Variants in GRM8 observed in about 807,000 individuals in gnomAD.
The protein encoded by GRM8 is metabotropic glutamate receptor 8.
In GRM8, 47 loss-of-function variants were observed where a neutral mutation model predicts 87.2. That is an observed-to-expected ratio of 0.54 (90% CI 0.43 to 0.69). The LOEUF (loss-of-function observed/expected upper bound fraction) is 0.69, where lower values mean the gene tolerates loss of function less well. Ranked by LOEUF, GRM8 falls within the 30% of genes least tolerant of loss-of-function variation. The pLI is 0.00. For missense variants in GRM8, 1,019 were observed against 1,139.2 expected (o/e 0.89, Z 1.52); for synonymous variants, 396 against 404.5 (o/e 0.98, Z 0.25).
rs1007386922 is a variant in GRM8, at chr7:127,107,149, G to A, written c.511-437C>T. On this transcript the variant is annotated intron_variant, in intron 2 of 10. Transcript: ENST00000339582. ...ATAAATGCTATACAATGACTAACAG[G>A]GAATTTAATATAAGATTTTTTTATA... 3.3e-5 allele frequency among the ~76,000 whole-genome samples: 5 copies of A among 152,118 alleles called. No individual in the cohort carries two copies. In the East Asian group the frequency reaches 9.6e-4, roughly 29 times the overall value.
chr7:126,918,262 T>C (rs762495199), intron 3 of GRM8, among the ~76,000 whole-genome samples: 16 of 152,200 alleles, frequency 1.1e-4, no homozygotes, highest in Non-Finnish European at 2.1e-4. Context: ...TCAGAAAACA[T>C]TTCATAAGTG....
intron 9 of GRM8, among the ~76,000 whole-genome samples, chr7:126,506,356 AAATGTACTCCCT>A (rs1810464767): frequency 6.6e-6 from 1 of 151,944 alleles, no homozygotes; most frequent in African/African-American, 2.4e-5. Context: ...TGCTTCTTTC[AAATGTACTCCCT>A]ACAAAACTCT....
intron 6 of GRM8, among the ~76,000 whole-genome samples, chr7:126,878,073 A>C (rs950222545): frequency 2.0e-5 from 3 of 152,192 alleles, no homozygotes; most frequent in African/African-American, 7.2e-5. Context: ...TTTAACTCCA[A>C]AGCCCATGCC....
intron 6 of GRM8, among the ~76,000 whole-genome samples, chr7:126,786,722 C>T (rs1820661147): frequency 6.6e-6 from 1 of 152,118 alleles, no homozygotes; most frequent in African/African-American, 2.4e-5. Context: ...AGTTGTTCTA[C>T]TCTATATTCT....
intron 3 of GRM8, among the ~76,000 whole-genome samples, chr7:126,936,856 AT>A (rs1352731651): frequency 6.6e-6 from 1 of 152,182 alleles, no homozygotes; most frequent in Non-Finnish European, 1.5e-5. Flanking sequence ...ACCCACCTTG[AT>A]TGAGACCATT....
intron 7 of GRM8, among the ~76,000 whole-genome samples, chr7:126,712,996 T>C (rs1811279386): frequency 6.6e-6 from 1 of 152,134 alleles, no homozygotes; most frequent in Admixed American, 6.6e-5. Flanking sequence ...ACTGTTTTGG[T>C]GGGAGTGTAA....
At chr7:127,169,981 C>A (rs1793692549) in intron 2 of GRM8, among the ~76,000 whole-genome samples, 1 of 152,156 alleles carries the variant, frequency 6.6e-6, no homozygotes, top group African/African-American at 2.4e-5. Flanking sequence ...GATTTTCATG[C>A]CTGCTAACAC....
chr7:126,860,363 T>C (rs1014212824), intron 6 of GRM8, among the ~76,000 whole-genome samples: 2 of 152,166 alleles, frequency 1.3e-5, no homozygotes, highest in African/African-American at 4.8e-5. Context: ...AGGAAAAGTC[T>C]GCTATAGAAG....
At chr7:126,659,915 T>A (rs190643146) in intron 7 of GRM8, among the ~76,000 whole-genome samples, 1 of 152,200 alleles carries the variant, frequency 6.6e-6, no homozygotes, top group Non-Finnish European at 1.5e-5. Context: ...TTTCCTAGAG[T>A]ATTAAGCTTT....
At chr7:127,198,894 G>A (rs1388200959) in intron 2 of GRM8, among the ~76,000 whole-genome samples, 2 of 148,526 alleles carry the variant, frequency 1.3e-5, no homozygotes, top group Admixed American at 6.8e-5. Context: ...AGGCTGGAGT[G>A]CAATGGCGCA....
intron 6 of GRM8, chr7:126,869,953 A>AAAAAAAAAAAC (rs1798946211): frequency 7.4e-6 from 1 of 134,836 alleles, no homozygotes; most frequent in Admixed American, 7.5e-5. Flanking sequence ...AAAAAAAAAA[A>AAAAAAAAAAAC]AAAAAAAAGT....
At chr7:127,235,107 T>C (rs1478710019) in intron 2 of GRM8, among the ~76,000 whole-genome samples, 2 of 152,206 alleles carry the variant, frequency 1.3e-5, no homozygotes, top group Non-Finnish European at 2.9e-5. Flanking sequence ...AAACCATTCT[T>C]ATGGAAAGAC....
At chr7:127,195,580 C>T (rs1795239018) in intron 2 of GRM8, among the ~76,000 whole-genome samples, 1 of 152,138 alleles carries the variant, frequency 6.6e-6, no homozygotes, top group Non-Finnish European at 1.5e-5. Flanking sequence ...CCAGTTCTAT[C>T]CCCTCCGGAC....
At chr7:126,487,134 G>T (rs546587512) in intron 9 of GRM8, among the ~76,000 whole-genome samples, 1 of 152,138 alleles carries the variant, frequency 6.6e-6, no homozygotes, top group East Asian at 1.9e-4. Flanking sequence ...TTATTGAGGA[G>T]TGGCTTCTTT....
intron 6 of GRM8, among the ~76,000 whole-genome samples, chr7:126,878,643 C>T (rs1000714647): frequency 6.6e-6 from 1 of 151,802 alleles, no homozygotes; most frequent in African/African-American, 2.4e-5. Context: ...CCTCAGCCTC[C>T]CAAATAGCTG....
intron 6 of GRM8, among the ~76,000 whole-genome samples, chr7:126,814,953 A>G (rs1793645204): frequency 6.6e-6 from 1 of 151,894 alleles, no homozygotes; most frequent in African/African-American, 2.4e-5. Flanking sequence ...TCAACCTAAG[A>G]CTTTGCTGTT....
intron 6 of GRM8, among the ~76,000 whole-genome samples, chr7:126,852,975 T>C (rs1290642833): frequency 6.6e-6 from 1 of 152,186 alleles, no homozygotes; most frequent in African/African-American, 2.4e-5. Context: ...TCCAAGCAGT[T>C]TAGAAGTAAA....
intron 10 of GRM8, among the ~76,000 whole-genome samples, chr7:126,445,083 T>G (rs546351025): frequency 6.6e-6 from 1 of 152,146 alleles, no homozygotes; most frequent in African/African-American, 2.4e-5. Context: ...GAGGATCACT[T>G]GAACCCAGGA....
chr7:126,695,849 G>A (rs1288566587), intron 7 of GRM8, among the ~76,000 whole-genome samples: 1 of 152,146 alleles, frequency 6.6e-6, no homozygotes, highest in African/African-American at 2.4e-5. Context: ...TAGCACAAAA[G>A]AATAGTTAGA....
Sources: gnomAD v4.1 joint callset for allele counts (sites outside exome capture counted in the v4.1 genomes callset) on GRCh38, gnomAD v4.1.1 for gene constraint, MANE v1.5 for transcripts, NCBI Gene and HGNC (gene_info 2026-07-23, HGNC 2026-07-21) for gene names.